GPM6A: variants seen among roughly 807,000 people sequenced by gnomAD.
GPM6A encodes the protein glycoprotein M6A.
Under a neutral mutation model 32.1 loss-of-function variants are expected in GPM6A, and 7 were observed. That is an observed-to-expected ratio of 0.22 (90% confidence interval 0.12 to 0.41). The LOEUF (loss-of-function observed/expected upper bound fraction) is 0.41. Among genes scored for constraint, GPM6A ranks in the 10% least tolerant of loss-of-function variants. The pLI, the probability that GPM6A is intolerant of heterozygous loss-of-function variation, is 1.00. For synonymous variants in GPM6A, 130 were observed against 123.4 expected (o/e 1.05, Z -0.35); for missense variants, 235 against 347.2 (o/e 0.68, Z 2.57).
chr4:175,754,986 A>G (rs2333262), intron 1 of GPM6A, among the ~76,000 whole-genome samples: 55,663 of 151,826 alleles, frequency 0.37, 10,777 homozygotes, highest in Non-Finnish European at 0.43. Context: ...CACGCACACA[A>G]TTACACATTT....
At chr4:175,783,480 A>C (rs1733686985) in intron 1 of GPM6A, among the ~76,000 whole-genome samples, 1 of 151,992 alleles carries the variant, frequency 6.6e-6, no homozygotes, top group South Asian at 2.1e-4. Context: ...AGCTTAACAT[A>C]CAACTTAAAA....
intron 1 of GPM6A, among the ~76,000 whole-genome samples, chr4:175,884,905 A>G (rs1481636253): frequency 6.6e-6 from 1 of 152,138 alleles, no homozygotes; most frequent in Non-Finnish European, 1.5e-5. Context: ...ACTGTTTTCA[A>G]ATTTCTTTGC....
intron 1 of GPM6A, among the ~76,000 whole-genome samples, chr4:175,898,475 A>T (rs1369849119): frequency 1.3e-5 from 2 of 152,078 alleles, no homozygotes; most frequent in African/African-American, 4.8e-5. Flanking sequence ...CTTCTGGTTG[A>T]TACCCATGTA....
At chr4:176,000,946 G>C (rs1445058170) in intron 1 of GPM6A, among the ~76,000 whole-genome samples, 2 of 152,064 alleles carry the variant, frequency 1.3e-5, no homozygotes, top group African/African-American at 4.8e-5. Context: ...TCCTTCTTAA[G>C]ACCATTTCCA....
chr4:175,842,612 G>A (rs1579559791), intron 1 of GPM6A, among the ~76,000 whole-genome samples: 1 of 152,060 alleles, frequency 6.6e-6, no homozygotes. Context: ...CCACCCTGAA[G>A]GCTGAGCCTA....
intron 1 of GPM6A, among the ~76,000 whole-genome samples, chr4:175,741,185 A>C (rs552129329): frequency 6.6e-6 from 1 of 152,152 alleles, no homozygotes; most frequent in South Asian, 2.1e-4. Context: ...CAACCACTCA[A>C]TTTAGAAACA....
At chr4:175,897,788 C>T (rs369240027) in intron 1 of GPM6A, among the ~76,000 whole-genome samples, 2 of 152,116 alleles carry the variant, frequency 1.3e-5, no homozygotes, top group Non-Finnish European at 2.9e-5. Context: ...TTAATTGGGT[C>T]AATTGAGCTA....
At chr4:175,869,936 A>T (rs1229158123) in intron 1 of GPM6A, among the ~76,000 whole-genome samples, 1 of 152,168 alleles carries the variant, frequency 6.6e-6, no homozygotes, top group African/African-American at 2.4e-5. Context: ...TATAGGCTTT[A>T]AAAAAATTAC....
At chr4:175,636,160 T>C (rs770272008) in intron 6 of GPM6A, among the ~76,000 whole-genome samples, 4 of 150,606 alleles carry the variant, frequency 2.7e-5, no homozygotes, top group African/African-American at 9.8e-5. Flanking sequence ...CTCTGAAGTT[T>C]AGCATTTTGT....
intron 1 of GPM6A, among the ~76,000 whole-genome samples, chr4:175,946,332 T>C (rs62340583): frequency 5.7e-4 from 87 of 152,332 alleles, no homozygotes; most frequent in Non-Finnish European, 1.1e-3. Flanking sequence ...CATTTATTCA[T>C]TGTGCCAACC....
intron 1 of GPM6A, among the ~76,000 whole-genome samples, chr4:175,919,717 A>C (rs1466904861): frequency 6.6e-6 from 1 of 152,206 alleles, no homozygotes; most frequent in Non-Finnish European, 1.5e-5. Flanking sequence ...ACACACTCCT[A>C]AATGGTCACA....
chr4:175,910,152 G>A (rs980160480), intron 1 of GPM6A, among the ~76,000 whole-genome samples: 1 of 152,062 alleles, frequency 6.6e-6, no homozygotes, highest in Non-Finnish European at 1.5e-5. Flanking sequence ...CAGTGTTCCT[G>A]AATATTTAAC....
chr4:175,639,979 C>T, intron 6 of GPM6A, 150 bp downstream of exon 6: 3 of 720,408 alleles, frequency 4.2e-6, no homozygotes, highest in Non-Finnish European at 7.6e-6. Context: ...TGTTGACTTA[C>T]TTACCCATTG....
chr4:175,950,380 C>T (rs1739766638), intron 1 of GPM6A, among the ~76,000 whole-genome samples: 1 of 152,092 alleles, frequency 6.6e-6, no homozygotes, highest in Non-Finnish European at 1.5e-5. Context: ...TAAGACAAGA[C>T]ATTCCAAGCA....
chr4:175,907,537 C>T (rs1333066973), intron 1 of GPM6A, among the ~76,000 whole-genome samples: 1 of 152,140 alleles, frequency 6.6e-6, no homozygotes, highest in African/African-American at 2.4e-5. Flanking sequence ...GAGTTGAGGA[C>T]ATGCTACCCC....
intron 1 of GPM6A, among the ~76,000 whole-genome samples, chr4:175,734,753 A>G (rs966140023): frequency 1.3e-5 from 2 of 152,032 alleles, no homozygotes; most frequent in East Asian, 3.9e-4. Flanking sequence ...GATGCCTGTA[A>G]TCCCAGCTAC....
intron 1 of GPM6A, among the ~76,000 whole-genome samples, chr4:175,949,887 A>G (rs909347519): frequency 1.3e-5 from 2 of 152,230 alleles, no homozygotes; most frequent in African/African-American, 4.8e-5. Context: ...ATGAAACCAA[A>G]TAGAAAATAA....
At chr4:175,916,879 G>C (rs995898911) in intron 1 of GPM6A, among the ~76,000 whole-genome samples, 2 of 152,118 alleles carry the variant, frequency 1.3e-5, no homozygotes, top group African/African-American at 4.8e-5. Context: ...TAACAGGTGA[G>C]GTGCGGGAGA....
intron 1 of GPM6A, among the ~76,000 whole-genome samples, chr4:175,982,502 C>A (rs117982013): frequency 1.3e-5 from 2 of 152,080 alleles, no homozygotes; most frequent in African/African-American, 4.8e-5. Context: ...GTTTAAAATA[C>A]TTTGCTTTTC....
Sources: gnomAD v4.1 joint callset for allele counts (sites outside exome capture counted in the v4.1 genomes callset) on GRCh38, gnomAD v4.1.1 for gene constraint, MANE v1.5 for transcripts, NCBI Gene and HGNC (gene_info 2026-07-23, HGNC 2026-07-21) for gene names.